HMGXB3: variants seen among roughly 807,000 people sequenced by gnomAD.
The protein encoded by HMGXB3 is HMG domain-containing protein 3.
In HMGXB3, 45 loss-of-function variants were observed where a neutral mutation model predicts 121.5. The ratio of observed to expected loss-of-function variants is 0.37; its 90% CI spans 0.29 to 0.47. The LOEUF is 0.47. Among genes scored for constraint, HMGXB3 ranks in the 20% least tolerant of loss-of-function variants. The pLI is 0.99. For synonymous variants in HMGXB3, 590 were observed against 624.1 expected, an observed-to-expected ratio of 0.95 and a Z score of 0.81; for missense variants, 1,376 against 1,602.2, an observed-to-expected ratio of 0.86 and a Z score of 2.41.
At position 150,036,637 on chromosome 5, in the gene HMGXB3, A is replaced by G; in HGVS notation, c.1985A>G (p.Glu662Gly). Reference protein sequence around the residue: ...DRTEKTTKAIEVSSPLPDVLN... With the variant: ...DRTEKTTKAIGVSSPLPDVLN... ...GTGATCAATCCACTCTCTTCCCAGG[A>G]GGTGAGCTCACCACTCCCAGATGTA... The change falls in exon 12 of 20, where the codon GAG becomes GGG. Residue 662 changes from glutamate (E) to glycine (G), a missense_variant and splice_region_variant. Coordinates refer to ENST00000502717, the MANE Select transcript of HMGXB3 (RefSeq NM_014983.3). 1.3e-6 allele frequency: 2 copies of G among 1,538,750 alleles called. No individual in the cohort carries two copies. Among genetic ancestry groups the G allele is most frequent in the Non-Finnish European group, 1.8e-6 (2 of 1,139,566 alleles).
Position 150,010,394 on chromosome 5 carries a change from G to T in HMGXB3, c.596G>T (p.Gly199Val), listed in dbSNP as rs775655014. The T allele has an allele frequency of 1.3e-6, 2 of 1,551,644 alleles. No individual in the cohort carries two copies. Among genetic ancestry groups the T allele is most frequent in the Non-Finnish European group, 1.7e-6 (2 of 1,146,994 alleles). Residue 199 changes from glycine (G) to valine (V), a missense_variant, in exon 4 of 20, where the codon GGT becomes GTT. Physicochemically the swap from Gly to Val is moderately radical, Grantham distance 109 (BLOSUM62 -3). Coordinates refer to ENST00000502717, the MANE Select transcript of HMGXB3 (RefSeq NM_014983.3). ...GAGGTGGGAGCCCTTACCCAGTCAG[G>T]TGCTGTACAGGAGATTGCCACCTCA... ...AEEVGALTQS[G>V]AVQEIATSEI...
rs371662538 is a variant in HMGXB3, at chr5:150,052,120, T to C, written c.3807T>C (p.Leu1269=). The C allele has an allele frequency of 4.5e-6, 7 of 1,551,438 alleles. No individual in the cohort carries two copies. The African/African-American group carries it at 9.6e-5, about 21-fold the overall frequency. ...EVVIRDTLYR[L]GVAQIKTETE... The stretch of plus-strand genomic sequence containing the variant: ...TCATTCGTGACACCCTCTACCGCCT[T>C]GGGGTTGCTCAGATCAAGACAGAGA... Residue 1269 remains leucine (L), a synonymous_variant, in exon 20 of 20, where the codon CTT becomes CTC. Coordinates refer to ENST00000502717, the MANE Select transcript of HMGXB3 (RefSeq NM_014983.3).
rs375593166 is a variant in HMGXB3, at chr5:150,029,125, T to A, written c.1735-1616T>A. ...CCATCCGATGTGCTTTCAGGTCTTT[T>A]CCTGAATTTGTGTGTGTTTATTTTT... On this transcript the variant is annotated intron_variant, in intron 9 of 19. Transcript: ENST00000502717. Among the ~76,000 whole-genome samples, 3 of 152,190 alleles carry A rather than the reference T, an allele frequency of 2.0e-5. No individual in the cohort carries two copies. In the East Asian group the frequency reaches 5.8e-4, roughly 29 times the overall value.
At chr5:150,005,258 CATT>C (rs1431850299) in intron 2 of HMGXB3, among the ~76,000 whole-genome samples, 2 of 152,304 alleles carry the variant, frequency 1.3e-5, no homozygotes, top group African/African-American at 2.4e-5. Context: ...ATTATTATGC[CATT>C]GTTGTTATTT....
At position 150,004,905 on chromosome 5, in the gene HMGXB3, A is replaced by G; in HGVS notation, c.53A>G (p.Glu18Gly). The G allele has an allele frequency of 6.4e-7, 1 of 1,551,802 alleles. No individual in the cohort carries two copies. The highest frequency in any genetic ancestry group is 1.2e-5 in the South Asian group (1 of 84,056). ...GTAACTGTCGTGATGGAGGAAATTG[A>G]GGAAGCCTATTGTTACACCTCTCCT... is the stretch of plus-strand genomic sequence containing the variant. ...TEVTVVMEEI[E>G]EAYCYTSPGP... Residue 18 changes from glutamate to glycine, a missense_variant, in exon 2 of 20, where the codon GAG (glutamate) becomes GGG (glycine). This residue lies in a region of HMGXB3 where 1,116 missense variants were observed against 1,369.0 expected (regional missense o/e 0.82). Transcript: ENST00000502717.
chr5:150,001,681 T>G (rs1755572665), intron 1 of HMGXB3, among the ~76,000 whole-genome samples: 2 of 152,210 alleles, frequency 1.3e-5, no homozygotes, highest in South Asian at 4.1e-4. Context: ...TCCTGCCTTT[T>G]TTTGCATTGC....
At chr5:150,012,549 AGGGGG>A (rs1755866512) in intron 5 of HMGXB3, among the ~76,000 whole-genome samples, 196 bp downstream of exon 5, 1 of 152,172 alleles carries the variant, frequency 6.6e-6, no homozygotes, top group South Asian at 2.1e-4. Context: ...AATGGGGGTG[AGGGGG>A]TTGTAGATAG....
chr5:150,030,895 G>A lies in HMGXB3; in HGVS notation c.1833+56G>A, dbSNP rs573182976. ...ACATGGAGGTTGTTTTGATTTTGTG[G>A]TTGAAGGTCAGTAGGAGGCTGGGGG... On this transcript the variant is annotated intron_variant, in intron 10 of 19. Transcript: ENST00000502717. 1.6e-4 allele frequency: 209 copies of A among 1,330,972 alleles called. No homozygotes were observed. In the African/African-American group the frequency reaches 2.7e-3, roughly 17 times the overall value. 82.4% of individuals were successfully genotyped at this position (1,330,972 alleles called of 1,614,324 possible).
At chr5:150,034,240 G>A (rs1756449801) in intron 11 of HMGXB3, among the ~76,000 whole-genome samples, 1 of 152,154 alleles carries the variant, frequency 6.6e-6, no homozygotes, top group African/African-American at 2.4e-5. Flanking sequence ...TCTTGCCATA[G>A]CATTGATCAC....
At chr5:150,018,807 C>T (rs1756016906) in intron 6 of HMGXB3, 110 bp downstream of exon 6, 1 of 991,068 alleles carries the variant, frequency 1.0e-6, no homozygotes, top group African/African-American at 1.6e-5. Flanking sequence ...TACTGTCTGA[C>T]TATACAAGTA....
chr5:150,009,429 A>AT (rs1485970419), intron 3 of HMGXB3, among the ~76,000 whole-genome samples: 1 of 152,072 alleles, frequency 6.6e-6, no homozygotes, highest in African/African-American at 2.4e-5. Flanking sequence ...TAATATTCAC[A>AT]TTTTTTTCCG....
chr5:150,003,386 C>G (rs1478866728), intron 1 of HMGXB3, among the ~76,000 whole-genome samples: 3 of 151,992 alleles, frequency 2.0e-5, no homozygotes, highest in Admixed American at 6.6e-5. Context: ...AAATCTATCT[C>G]TCAAGTCCCT....
At chr5:150,026,389 G>A (rs1401501697) in intron 7 of HMGXB3, among the ~76,000 whole-genome samples, 2 of 152,194 alleles carry the variant, frequency 1.3e-5, no homozygotes, top group Non-Finnish European at 2.9e-5. Context: ...AGGTAGATTA[G>A]ATGTTACAGC....
At chr5:150,008,055 TCACACACACACACACACACACACA>T (rs70973560) in intron 3 of HMGXB3, among the ~76,000 whole-genome samples, 4 of 130,112 alleles carry the variant, frequency 3.1e-5, no homozygotes, top group East Asian at 2.2e-4. Flanking sequence ...AGACTCTGTT[TCACACACACACACACACACACACA>T]CACACACACA....
intron 6 of HMGXB3, among the ~76,000 whole-genome samples, chr5:150,023,997 C>T (rs1015982641): frequency 5.3e-5 from 8 of 152,152 alleles, no homozygotes; most frequent in African/African-American, 1.9e-4. Context: ...TTGATGAAAC[C>T]TGGAGAAGCT....
rs572203468 is a variant in HMGXB3 at position 150,020,638 on chromosome 5, C to T, written c.1041+1941C>T. Among the ~76,000 whole-genome samples, 4 of 151,940 alleles carry T rather than the reference C, an allele frequency of 2.6e-5. No homozygotes were observed. The East Asian group carries it at 7.7e-4, about 29-fold the overall frequency. Reference sequence around the variant, plus strand: ...GAGTCTCTTGCTATGTTGCCTAGGCCCATTTCAAATTCTTGGTCTCAAGTG... The same window carrying T: ...GAGTCTCTTGCTATGTTGCCTAGGCTCATTTCAAATTCTTGGTCTCAAGTG... On this transcript the variant is annotated intron_variant, in intron 6 of 19. Coordinates refer to ENST00000502717, the MANE Select transcript of HMGXB3 (RefSeq NM_014983.3).
intron 2 of HMGXB3, among the ~76,000 whole-genome samples, chr5:150,005,614 A>AAAG (rs59084873): frequency 1.3e-5 from 2 of 149,450 alleles, no homozygotes; most frequent in Non-Finnish European, 3.0e-5. Flanking sequence ...AAAAAAAAAA[A>AAAG]GAAAAGAAAA....
In HMGXB3 at chr5:150,032,445, C is replaced by A. The variant is rs1176561685; in HGVS notation, c.1834-9C>A. ...TTTGTAGAATTGAACACTGGTCTTA[C>A]TTTTTTAGGATTTGGGCCTGGCTAC... On this transcript the variant is annotated splice_polypyrimidine_tract_variant and intron_variant, in intron 10 of 19. Coordinates refer to ENST00000502717, the MANE Select transcript of HMGXB3 (RefSeq NM_014983.3). 6.4e-7 allele frequency: 1 copy of A among 1,550,754 alleles called. No homozygotes were observed. The highest frequency in any genetic ancestry group is 8.7e-7 in the Non-Finnish European group (1 of 1,146,372).
At chr5:150,040,934 T>C in intron 14 of HMGXB3, 55 bp downstream of exon 14, 1 of 1,443,192 alleles carries the variant, frequency 6.9e-7, no homozygotes, top group Non-Finnish European at 9.2e-7. Flanking sequence ...CCTCGGAATT[T>C]TCAGTGATGG....
Sources: allele counts gnomAD v4.1 joint callset (sites outside exome capture counted in the v4.1 genomes callset), GRCh38; gene constraint gnomAD v4.1.1; regional missense constraint gnomAD v4.1.1; transcripts MANE v1.5; gene names NCBI Gene and HGNC (gene_info 2026-07-23, HGNC 2026-07-21).